Variants in HIF3A observed in about 807,000 individuals in gnomAD.
HIF3A encodes hypoxia-inducible factor 3-alpha.
In HIF3A, 41 loss-of-function variants were observed where a neutral mutation model predicts 67.2. The ratio of observed to expected loss-of-function variants is 0.61; its 90% CI spans 0.48 to 0.79. The LOEUF is 0.79. Among genes scored for constraint, HIF3A ranks in the 30% least tolerant of loss-of-function variants. HIF3A has a pLI of 0.00. For missense variants in HIF3A, 855 were observed against 898.0 expected, an observed-to-expected ratio of 0.95 and a Z score of 0.61; for synonymous variants, 356 against 374.8, an observed-to-expected ratio of 0.95 and a Z score of 0.58.
intron 13 of HIF3A, among the ~76,000 whole-genome samples, chr19:46,332,906 C>G (rs1971339126): frequency 6.6e-6 from 1 of 151,388 alleles, no homozygotes; most frequent in African/African-American, 2.4e-5. Flanking sequence ...TGCTTGAACT[C>G]TGGAGGCAGA....
Position 46,305,368 on chromosome 19 carries a change from G to A in HIF3A, c.341G>A (p.Ser114Asn). 6.2e-7 allele frequency: 1 copy of A among 1,614,016 alleles called. No homozygotes were observed. Among genetic ancestry groups the A allele is most frequent in the Non-Finnish European group, 8.5e-7 (1 of 1,180,026 alleles). The change falls in exon 3 of 15, where the codon AGC becomes AAC. Residue 114 changes from serine (S) to asparagine (N), a missense_variant. Coordinates refer to ENST00000377670, the MANE Select transcript of HIF3A (RefSeq NM_152795.4). ...GDMAYLSENV[S>N]KHLGLSQLEL... The stretch of plus-strand genomic sequence containing the variant: ...ATGGCTTACCTGTCGGAGAATGTCA[G>A]CAAACACCTGGGCCTCAGTCAGGTG...
At chr19:46,338,210 T>C (rs1240592495) in intron 14 of HIF3A, 2 of 454,028 alleles carry the variant, frequency 4.4e-6, no homozygotes, top group African/African-American at 4.0e-5. Flanking sequence ...TTGGGTTTTT[T>C]GTTGTTTTTG....
rs969427401 is a variant in HIF3A at position 46,297,048 on chromosome 19, G to A, written c.-29G>A. 1 of 1,301,668 alleles carries A rather than the reference G, an allele frequency of 7.7e-7. No individual in the cohort carries two copies. The highest frequency in any genetic ancestry group is 9.9e-7 in the Non-Finnish European group (1 of 1,013,846). The allele number at this position is 1,301,668 out of a possible 1,614,324, so 80.6% of individuals were successfully genotyped here. A position where few individuals can be genotyped will look rare whatever the true frequency, so the allele number is the denominator to read the frequency against. ...GCCGGGGAGGGGGCTAGGGGCCTCC[G>A]AGGGCTCCGGAGCGGCGACTGGCGA... On this transcript the variant is annotated 5_prime_UTR_variant, in exon 1 of 15. Transcript: ENST00000377670. This position sits in a 1 kb window ranked among gnomAD's most constrained non-coding sequence, Gnocchi z 4.5.
At chr19:46,329,054 C>T in intron 11 of HIF3A, 153 bp from the exon 12 acceptor site, 1 of 638,700 alleles carries the variant, frequency 1.6e-6, no homozygotes, top group Non-Finnish European at 2.6e-6. Flanking sequence ...ACATGTTCTT[C>T]AGGGAGTCCT....
intron 8 of HIF3A, among the ~76,000 whole-genome samples, chr19:46,317,649 C>T (rs1236475906): frequency 6.6e-6 from 1 of 152,104 alleles, no homozygotes; most frequent in East Asian, 1.9e-4. Flanking sequence ...TGAGCCCCTA[C>T]ATGAGCTCAG....
intron 8 of HIF3A, chr19:46,320,122 C>T (rs1471025264): frequency 1.9e-5 from 4 of 214,620 alleles, no homozygotes; most frequent in Non-Finnish European, 3.7e-5. Context: ...CCCAGCTACT[C>T]GGAAGGCTGA....
chr19:46,343,295 C>G lies in HIF3A; in HGVS notation c.*3673C>G, dbSNP rs1971995043. On this transcript the variant is annotated 3_prime_UTR_variant, in exon 15 of 15. Coordinates refer to ENST00000377670, the MANE Select transcript of HIF3A (RefSeq NM_152795.4). ...TGGGGGGGTCTGACCCCTCCCTCCT[C>G]CCTCTGGAGGTGATGTGGGCCCTCA... The G allele has an allele frequency of 6.5e-6, 1 of 152,740 alleles. No homozygotes were observed. The highest frequency in any genetic ancestry group is 2.1e-4 in the South Asian group (1 of 4,826). The allele number at this position is 152,740 out of a possible 1,614,324, so 9.5% of individuals were successfully genotyped here.
intron 1 of HIF3A, among the ~76,000 whole-genome samples, chr19:46,302,810 T>G (rs11669771): frequency 0.87 from 132,902 of 152,218 alleles, 58,233 homozygotes; most frequent in Non-Finnish European, 0.91. Flanking sequence ...GGATACTGAG[T>G]CTGCAGTGAG....
intron 8 of HIF3A, among the ~76,000 whole-genome samples, chr19:46,313,657 TACC>T (rs1969670274): frequency 7.3e-6 from 1 of 136,304 alleles, no homozygotes; most frequent in Non-Finnish European, 1.5e-5. Flanking sequence ...GTTACACAAT[TACC>T]ACGATTTTTT....
chr19:46,339,657 C>G lies in HIF3A; in HGVS notation c.*35C>G, dbSNP rs369285894. 17 of 1,477,278 alleles carry G rather than the reference C, an allele frequency of 1.2e-5. No individual in the cohort carries two copies. The highest frequency in any genetic ancestry group is 4.2e-5 in the African/African-American group (3 of 71,202). 91.5% of individuals were successfully genotyped at this position (1,477,278 alleles called of 1,614,324 possible). On this transcript the variant is annotated 3_prime_UTR_variant, in exon 15 of 15. Coordinates refer to ENST00000377670, the MANE Select transcript of HIF3A (RefSeq NM_152795.4). Reference sequence around the variant, plus strand: ...TCTCCCCATCTGCCTTCTCCTCCCCCAGAAAGGACCTCAACCACACTCCAC... The same window carrying G: ...TCTCCCCATCTGCCTTCTCCTCCCCGAGAAAGGACCTCAACCACACTCCAC...
chr19:46,317,930 C>T (rs1448111770), intron 8 of HIF3A, among the ~76,000 whole-genome samples: 1 of 152,016 alleles, frequency 6.6e-6, no homozygotes, highest in African/African-American at 2.4e-5. Context: ...TCTTAGCCTC[C>T]CGGGTTCAAG....
rs1970390677 is a variant in HIF3A, at chr19:46,321,829, G to A, written c.1198G>A (p.Ala400Thr). ...AFLHPPSLSE[A>T]ALAADPRRFC... ...CCTGCACCCGCCTTCCCTGAGCGAGGCTGCCCTGGCCGCTGACCCCCGCCG... is the reference window on the plus strand; with the variant it reads ...CCTGCACCCGCCTTCCCTGAGCGAGACTGCCCTGGCCGCTGACCCCCGCCG... The change falls in exon 10 of 15, where the codon GCT becomes ACT. Residue 400 changes from alanine (A) to threonine (T), a missense_variant. Physicochemically the swap from Ala to Thr is moderately conservative, Grantham distance 58 (BLOSUM62 0). This residue lies in a region of HIF3A where 638 missense variants were observed against 660.5 expected (regional missense o/e 0.97). Transcript: ENST00000377670. 1 of 1,613,700 alleles carries A rather than the reference G, an allele frequency of 6.2e-7. No individual in the cohort carries two copies. Among genetic ancestry groups the A allele is most frequent in the South Asian group, 1.1e-5 (1 of 91,068 alleles).
intron 14 of HIF3A, among the ~76,000 whole-genome samples, chr19:46,336,607 GA>G (rs1430711059): frequency 6.6e-6 from 1 of 151,970 alleles, no homozygotes; most frequent in Admixed American, 6.5e-5. Context: ...GGCTGGTCTT[GA>G]ACTCCTGAGC....
intron 1 of HIF3A, chr19:46,298,543 C>G (rs1263024479): frequency 2.4e-6 from 3 of 1,247,204 alleles, no homozygotes; most frequent in African/African-American, 3.1e-5. Flanking sequence ...CCTCCTTTCC[C>G]CCTTCCCTTC....
intron 13 of HIF3A, among the ~76,000 whole-genome samples, chr19:46,334,045 G>C (rs185202151): frequency 6.7e-6 from 1 of 149,846 alleles, no homozygotes. Context: ...CGCCCAACTC[G>C]GCCTCCCAAA....
intron 8 of HIF3A, chr19:46,312,932 G>A (rs1049453775): frequency 1.1e-6 from 1 of 949,748 alleles, no homozygotes; most frequent in African/African-American, 2.0e-5. Flanking sequence ...CTGCTTAAGT[G>A]GATTGTTAAT....
rs777522911 is a variant in HIF3A at position 46,339,585 on chromosome 19, C to T, written c.1973C>T (p.Pro658Leu). The part of the protein sequence containing the change: ...SDEDTTQPGG[P>L]FQPRAGSAQA... The stretch of plus-strand genomic sequence containing the variant: ...GAGGACACTACCCAGCCCGGGGGCC[C>T]CTTCCAGCCAAGGGCAGGCTCAGCC... Residue 658 changes from proline (P) to leucine (L), a missense_variant, in exon 15 of 15, where the codon CCC becomes CTC. Around this residue, in one of 3 missense-constraint regions of HIF3A, gnomAD observed 199 missense variants for 193.8 expected, o/e 1.03. Coordinates refer to ENST00000377670, the MANE Select transcript of HIF3A (RefSeq NM_152795.4). 8.7e-6 allele frequency: 14 copies of T among 1,609,308 alleles called. No homozygotes were observed. The highest frequency in any genetic ancestry group is 1.7e-4 in the Middle Eastern group (1 of 6,026).
intron 6 of HIF3A, among the ~76,000 whole-genome samples, chr19:46,311,607 G>A (rs534015396): frequency 6.6e-6 from 1 of 152,244 alleles, no homozygotes; most frequent in African/African-American, 2.4e-5. Context: ...GCTAACACCT[G>A]TAATCTCAGC....
intron 8 of HIF3A, chr19:46,313,109 G>C: frequency 1.6e-6 from 1 of 631,442 alleles, no homozygotes; most frequent in Non-Finnish European, 2.0e-6. Context: ...AAATTAGCCG[G>C]GTGTGGTGAC....
Sources: allele counts gnomAD v4.1 joint callset (sites outside exome capture counted in the v4.1 genomes callset), GRCh38; gene constraint gnomAD v4.1.1; regional missense constraint gnomAD v4.1.1; non-coding constraint Gnocchi (gnomAD v3.1); transcripts MANE v1.5; gene names NCBI Gene and HGNC (gene_info 2026-07-23, HGNC 2026-07-21).